The following ESR1 variants were observed in gnomAD, a reference collection of about 807,000 sequenced individuals.
ESR1 encodes the protein estrogen receptor.
ESR1 carries 12 observed loss-of-function variants against 52.7 expected under a neutral mutation model. The ratio of observed to expected loss-of-function variants is 0.23; its 90% CI spans 0.15 to 0.37. The LOEUF is 0.37. ESR1 is among the 10% of genes least tolerant of loss of function. The probability of loss-of-function intolerance (pLI) is 1.00; values close to 1 mark genes in which losing one functional copy is unlikely to be tolerated. For missense variants in ESR1, 584 were observed against 779.7 expected, an observed-to-expected ratio of 0.75 and a Z score of 2.99; for synonymous variants, 305 against 316.8, an observed-to-expected ratio of 0.96 and a Z score of 0.39.
intron 1 of ESR1, among the ~76,000 whole-genome samples, chr6:151,676,532 G>T (rs1778256567): frequency 6.6e-6 from 1 of 152,188 alleles, no homozygotes; most frequent in African/African-American, 2.4e-5. Context: ...ATATAGTTCA[G>T]TGCTCCTGTT....
At chr6:151,902,146 A>G (rs1050491702) in intron 3 of ESR1, among the ~76,000 whole-genome samples, 2 of 152,204 alleles carry the variant, frequency 1.3e-5, no homozygotes, top group African/African-American at 4.8e-5. Context: ...TTAAGATGTG[A>G]TCACTGACCA....
chr6:152,034,705 T>G (rs754159853), intron 5 of ESR1, among the ~76,000 whole-genome samples: 9 of 152,214 alleles, frequency 5.9e-5, no homozygotes, highest in Middle Eastern at 3.2e-3. Context: ...TGGGCTACAG[T>G]TTCATCTGCT....
At chr6:151,899,516 G>A (rs1436159461) in intron 3 of ESR1, among the ~76,000 whole-genome samples, 7 of 140,950 alleles carry the variant, frequency 5.0e-5, no homozygotes, top group African/African-American at 1.4e-4. Flanking sequence ...GCGGCTGGCC[G>A]GGCGGGGGGC....
intron 6 of ESR1, among the ~76,000 whole-genome samples, chr6:152,124,260 C>T (rs1007776594): frequency 2.0e-5 from 3 of 152,100 alleles, no homozygotes; most frequent in Non-Finnish European, 4.4e-5. Flanking sequence ...GAGCCATGAT[C>T]GGAACACCAC....
At chr6:151,685,167 C>A (rs1405052759) in intron 1 of ESR1, among the ~76,000 whole-genome samples, 6 of 127,900 alleles carry the variant, frequency 4.7e-5, no homozygotes, top group Non-Finnish European at 6.3e-5. Context: ...CGCTCTGTCG[C>A]CCAGGCCGGA....
At chr6:152,049,725 T>G (rs560846116) in intron 5 of ESR1, among the ~76,000 whole-genome samples, 9 of 152,190 alleles carry the variant, frequency 5.9e-5, no homozygotes, top group Non-Finnish European at 1.2e-4. Context: ...GTGAGGTTCC[T>G]CTTGGCTCTG....
intron 1 of ESR1, among the ~76,000 whole-genome samples, chr6:151,691,265 C>A (rs1462988143): frequency 1.3e-5 from 2 of 152,058 alleles, no homozygotes; most frequent in Non-Finnish European, 2.9e-5. Context: ...TCCTGGTGTC[C>A]CATTTTCTCA....
At chr6:151,666,845 A>G (rs2115226752) in intron 1 of ESR1, among the ~76,000 whole-genome samples, 1 of 152,122 alleles carries the variant, frequency 6.6e-6, no homozygotes, top group South Asian at 2.1e-4. Flanking sequence ...CAGTGCACCA[A>G]AACCCAGCAG....
intron 1 of ESR1, among the ~76,000 whole-genome samples, chr6:151,658,101 G>T (rs1339131418): frequency 6.6e-6 from 1 of 152,120 alleles, no homozygotes; most frequent in African/African-American, 2.4e-5. Context: ...AAGGTACCTT[G>T]TACTTCTAAG....
At chr6:151,847,234 A>C (rs1785296560) in intron 2 of ESR1, among the ~76,000 whole-genome samples, 1 of 152,188 alleles carries the variant, frequency 6.6e-6, no homozygotes, top group African/African-American at 2.4e-5. Context: ...GGCCTTAGAA[A>C]GCTTCAGGGT....
At position 152,061,812 on chromosome 6, in the gene ESR1, T is replaced by C. The variant is rs1585061349; in HGVS notation, c.1369+688T>C. On this transcript the variant is annotated intron_variant, in intron 6 of 7. Transcript: ENST00000206249. This position sits in a 1 kb window ranked among gnomAD's most constrained non-coding sequence, Gnocchi z 4.3. ...CTGGCTGTTGTATAAAGAGTTACTCTATGTCACCAAGATGGAAACTATGGT... is the reference window on the plus strand; with the variant it reads ...CTGGCTGTTGTATAAAGAGTTACTCCATGTCACCAAGATGGAAACTATGGT... Among the ~76,000 whole-genome samples the C allele has an allele frequency of 6.6e-6, 1 of 152,328 alleles. No homozygotes were observed. Among genetic ancestry groups the C allele is most frequent in the East Asian group, 1.9e-4 (1 of 5,192 alleles).
chr6:151,778,235 C>A (rs1201202033), intron 2 of ESR1, among the ~76,000 whole-genome samples: 1 of 151,876 alleles, frequency 6.6e-6, no homozygotes, highest in Non-Finnish European at 1.5e-5. Context: ...TGGAGGTGAC[C>A]AAAGGTGGAA....
chr6:151,883,587 G>A (rs981684705), intron 3 of ESR1, among the ~76,000 whole-genome samples: 21 of 151,784 alleles, frequency 1.4e-4, no homozygotes, highest in Admixed American at 6.6e-4. Context: ...CTTAGTTACC[G>A]CCAAAAAGGC....
intron 2 of ESR1, among the ~76,000 whole-genome samples, chr6:151,849,992 A>ATATATATAATTTTG (rs1786055789): frequency 9.7e-6 from 1 of 103,124 alleles, no homozygotes; most frequent in Non-Finnish European, 1.9e-5. Flanking sequence ...ATATATATAT[A>ATATATATAATTTTG]TATATATATA....
At chr6:151,761,668 A>G (rs1296472966) in intron 2 of ESR1, among the ~76,000 whole-genome samples, 1 of 152,240 alleles carries the variant, frequency 6.6e-6, no homozygotes, top group Non-Finnish European at 1.5e-5. Flanking sequence ...TAAGCCCTCA[A>G]TAAATGCTAG....
At chr6:151,944,909 G>A (rs1031379665) in intron 4 of ESR1, among the ~76,000 whole-genome samples, 42 of 152,210 alleles carry the variant, frequency 2.8e-4, no homozygotes, top group African/African-American at 1.0e-3. Context: ...TTAATCAAAC[G>A]ATTTTATCTT....
chr6:151,854,844 T>C (rs2128268710), intron 2 of ESR1, among the ~76,000 whole-genome samples: 1 of 152,382 alleles, frequency 6.6e-6, no homozygotes, highest in Admixed American at 6.5e-5. Flanking sequence ...CATAAAATAG[T>C]ATAAATTCCT....
chr6:151,844,573 T>G (rs1161693722), intron 2 of ESR1, among the ~76,000 whole-genome samples: 1 of 152,230 alleles, frequency 6.6e-6, no homozygotes, highest in Non-Finnish European at 1.5e-5. Context: ...GATTATAGCC[T>G]GTAAGGTGAC....
intron 2 of ESR1, among the ~76,000 whole-genome samples, chr6:151,787,371 T>C (rs1369365688): frequency 6.6e-6 from 1 of 152,206 alleles, no homozygotes; most frequent in Non-Finnish European, 1.5e-5. Context: ...TTTTTTCTAG[T>C]TCTGTGAAGT....
Sources: allele counts gnomAD v4.1 joint callset (sites outside exome capture counted in the v4.1 genomes callset), GRCh38; gene constraint gnomAD v4.1.1; non-coding constraint Gnocchi (gnomAD v3.1); transcripts MANE v1.5; gene names NCBI Gene and HGNC (gene_info 2026-07-23, HGNC 2026-07-21).